Variants in PRKG1 observed in about 807,000 individuals in gnomAD.
PRKG1 encodes protein kinase cGMP-dependent 1, also known as cGMP-dependent protein kinase 1.
A neutral mutation model predicts 88.1 loss-of-function variants in PRKG1; 35 were observed. That is an observed-to-expected ratio of 0.40 (90% confidence interval 0.30 to 0.53). The LOEUF (loss-of-function observed/expected upper bound fraction) is 0.53. PRKG1 is among the 20% of genes least tolerant of loss of function. The pLI is 0.59. For missense variants in PRKG1, 540 were observed against 839.8 expected, an observed-to-expected ratio of 0.64 and a Z score of 4.41; for synonymous variants, 303 against 292.5, an observed-to-expected ratio of 1.04 and a Z score of -0.37.
rs1837296966 is a variant in PRKG1 at position 51,555,864 on chromosome 10, A to T, written c.592+88028A>T. Among the ~76,000 whole-genome samples, 6 of 152,096 alleles carry T rather than the reference A, an allele frequency of 3.9e-5. No individual in the cohort carries two copies. In the South Asian group the frequency reaches 1.2e-3, roughly 31 times the overall value. On this transcript the variant is annotated intron_variant, in intron 3 of 17. Coordinates refer to ENST00000373980, the MANE Select transcript of PRKG1 (RefSeq NM_006258.4). ...GATGAGCAGGACTAGCTGTTCTCTG[A>T]TACCCCCTACATCTGAAGTTACCAG...
intron 2 of PRKG1, among the ~76,000 whole-genome samples, chr10:51,315,874 A>C (rs899383104): frequency 6.6e-5 from 10 of 152,134 alleles, no homozygotes; most frequent in African/African-American, 2.2e-4. Context: ...TCCTGTTTGG[A>C]TAACTCATTT....
At chr10:51,021,797 C>T (rs548924617) in intron 1 of PRKG1, among the ~76,000 whole-genome samples, 5 of 152,284 alleles carry the variant, frequency 3.3e-5, no homozygotes, top group African/African-American at 7.2e-5. Context: ...TCTCCTGCCT[C>T]GGCCTCCTGA....
At chr10:52,271,884 CCT>C (rs763353602) in intron 11 of PRKG1, among the ~76,000 whole-genome samples, 1 of 151,996 alleles carries the variant, frequency 6.6e-6, no homozygotes, top group Non-Finnish European at 1.5e-5. Context: ...GACCATTCCA[CCT>C]CAGTACTAAT....
chr10:51,551,827 C>T (rs1837143577), intron 3 of PRKG1, among the ~76,000 whole-genome samples: 1 of 151,720 alleles, frequency 6.6e-6, no homozygotes, highest in Admixed American at 6.6e-5. Context: ...TCTTTTATCT[C>T]TATGGAGAAG....
intron 3 of PRKG1, among the ~76,000 whole-genome samples, chr10:51,692,766 C>G (rs781449984): frequency 6.6e-6 from 1 of 152,062 alleles, no homozygotes; most frequent in Admixed American, 6.6e-5. Context: ...TGCATCTGCA[C>G]GTCAGATATA....
chr10:51,898,661 C>A (rs866160988), intron 4 of PRKG1, among the ~76,000 whole-genome samples: 7 of 151,818 alleles, frequency 4.6e-5, no homozygotes, highest in Non-Finnish European at 1.0e-4. Context: ...ATGGTGAGAC[C>A]CTGCCTCTTC....
At chr10:51,088,309 A>G (rs1160069516) in intron 1 of PRKG1, among the ~76,000 whole-genome samples, 1 of 151,896 alleles carries the variant, frequency 6.6e-6, no homozygotes, top group Non-Finnish European at 1.5e-5. Flanking sequence ...TAATGTCTTT[A>G]ATAGAAATTT....
At chr10:51,466,336 T>G (rs1839904094) in intron 2 of PRKG1, among the ~76,000 whole-genome samples, 2 of 152,108 alleles carry the variant, frequency 1.3e-5, no homozygotes, top group Non-Finnish European at 2.9e-5. Context: ...TAAGCAAGTC[T>G]TTTTAAACCT....
At chr10:51,627,100 A>G (rs568108780) in intron 3 of PRKG1, among the ~76,000 whole-genome samples, 6 of 152,296 alleles carry the variant, frequency 3.9e-5, no homozygotes, top group African/African-American at 1.4e-4. Context: ...CACTTAACAC[A>G]TTGGAAAAAG....
At chr10:51,752,747 T>C (rs1837759322) in intron 3 of PRKG1, among the ~76,000 whole-genome samples, 1 of 152,158 alleles carries the variant, frequency 6.6e-6, no homozygotes, top group South Asian at 2.1e-4. Flanking sequence ...CCTTTAAAAG[T>C]TAAAAGTCTG....
chr10:51,715,542 T>A (rs1345763159), intron 3 of PRKG1, among the ~76,000 whole-genome samples: 1 of 152,168 alleles, frequency 6.6e-6, no homozygotes, highest in Non-Finnish European at 1.5e-5. Context: ...CATTAATGTG[T>A]CCTGAAATGT....
Position 52,035,325 on chromosome 10 carries a change from A to G in PRKG1, c.763-19159A>G, listed in dbSNP as rs548380800. ...CCTTGAGCTTGGTGTGTAGGGAAGG[A>G]AGGGGGCCTGAATAATCCCTGAGGA... On this transcript the variant is annotated intron_variant, in intron 5 of 17. Coordinates refer to ENST00000373980, the MANE Select transcript of PRKG1 (RefSeq NM_006258.4). Among the ~76,000 whole-genome samples, 557 of 152,182 alleles carry G rather than the reference A, an allele frequency of 3.7e-3. 1 individual carries two copies. Among genetic ancestry groups the G allele is most frequent in the African/African-American group, 0.012 (511 of 41,508 alleles).
At chr10:51,427,089 C>T (rs1010652962) in intron 2 of PRKG1, among the ~76,000 whole-genome samples, 2 of 152,046 alleles carry the variant, frequency 1.3e-5, no homozygotes, top group Admixed American at 1.3e-4. Context: ...TGTTTATTTC[C>T]CCACAGCTAT....
chr10:51,620,567 A>G (rs974912627), intron 3 of PRKG1, among the ~76,000 whole-genome samples: 4 of 140,230 alleles, frequency 2.9e-5, no homozygotes, highest in African/African-American at 1.0e-4. Flanking sequence ...ATTGTTAAAC[A>G]TTATACATCG....
chr10:51,277,999 G>T (rs1294751538), intron 2 of PRKG1, among the ~76,000 whole-genome samples: 1 of 152,182 alleles, frequency 6.6e-6, no homozygotes, highest in East Asian at 1.9e-4. Context: ...TGTTGAATAG[G>T]AGTGGTGAGA....
At chr10:51,038,361 G>A (rs1171784096) in intron 1 of PRKG1, among the ~76,000 whole-genome samples, 1 of 152,094 alleles carries the variant, frequency 6.6e-6, no homozygotes, top group Non-Finnish European at 1.5e-5. Flanking sequence ...ATTTCAAAAT[G>A]TACAATAAAT....
chr10:51,315,309 T>C (rs1000672962), intron 2 of PRKG1, among the ~76,000 whole-genome samples: 1 of 152,180 alleles, frequency 6.6e-6, no homozygotes, highest in Non-Finnish European at 1.5e-5. Context: ...TTGTAATTGC[T>C]CATGTGAGAG....
intron 4 of PRKG1, among the ~76,000 whole-genome samples, chr10:51,879,988 TG>T (rs1841396482): frequency 6.6e-6 from 1 of 152,244 alleles, no homozygotes; most frequent in African/African-American, 2.4e-5. Context: ...TGGAGCAGAA[TG>T]TAAGTGAGAT....
chr10:52,293,895 T>G lies in PRKG1; in HGVS notation c.2056T>G (p.Phe686Val). Residue 686 changes from phenylalanine (F) to valine (V), a missense_variant, in exon 18 of 18, where the codon TTC becomes GTC. Physicochemically the swap from Phe to Val is conservative, Grantham distance 50. Transcript: ENST00000373980. The part of the protein sequence containing the change: ...PDDNSGWDID[F>V] ...TGACAACTCAGGATGGGATATAGAC[T>G]TCTAATGTATTTCTCTTACCTGCTT... 1 of 1,607,214 alleles carries G rather than the reference T, an allele frequency of 6.2e-7. No homozygotes were observed. Among genetic ancestry groups the G allele is most frequent in the East Asian group, 2.2e-5 (1 of 44,824 alleles).
Sources: gnomAD v4.1 joint callset for allele counts (sites outside exome capture counted in the v4.1 genomes callset) on GRCh38, gnomAD v4.1.1 for gene constraint, MANE v1.5 for transcripts, NCBI Gene and HGNC (gene_info 2026-07-23, HGNC 2026-07-21) for gene names.